Variants in FN1 observed in about 807,000 individuals in gnomAD.
The protein encoded by FN1 is fibronectin.
In FN1, 106 loss-of-function variants were observed where a neutral mutation model predicts 297.3. The ratio of observed to expected loss-of-function variants is 0.36; its 90% CI spans 0.30 to 0.42. The LOEUF (loss-of-function observed/expected upper bound fraction) is 0.42, where lower values mean the gene tolerates loss of function less well. FN1 is among the 10% of genes least tolerant of loss of function. FN1 has a pLI of 1.00. For missense variants in FN1, 2,690 were observed against 3,124.9 expected (o/e 0.86, Z 3.32); for synonymous variants, 1,149 against 1,152.6 (o/e 1.00, Z 0.06).
rs757664530 is a variant in FN1 at position 215,434,853 on chromosome 2, T to C, written c.149-29A>G. ...CAAATAATTGAAGGAAAACGTTACATTTGCATTTCTCCTTTTCCCAAAATT... is the reference window on the plus strand; with the variant it reads ...CAAATAATTGAAGGAAAACGTTACACTTGCATTTCTCCTTTTCCCAAAATT... On this transcript the variant is annotated intron_variant, in intron 1 of 45. Transcript: ENST00000354785. 2.3e-5 allele frequency: 37 copies of C among 1,594,400 alleles called. No individual in the cohort carries two copies. In the South Asian group the frequency reaches 3.9e-4, roughly 17 times the overall value.
Position 215,433,309 on chromosome 2 carries a change from C to T in FN1, c.415+15G>A, listed in dbSNP as rs746989192. The stretch of plus-strand genomic sequence containing the variant: ...TTTGATATTTTGGCATCATTTTACA[C>T]AATCTCTTCCTTACTTGCGATGGTA... On this transcript the variant is annotated intron_variant, in intron 3 of 45. Transcript: ENST00000354785. 4.3e-6 allele frequency: 7 copies of T among 1,613,990 alleles called. No homozygotes were observed. Among genetic ancestry groups the T allele is most frequent in the Non-Finnish European group, 5.9e-6 (7 of 1,179,862 alleles).
chr2:215,407,054 A>C, intron 18 of FN1, 73 bp downstream of exon 18: 1 of 1,151,470 alleles, frequency 8.7e-7, no homozygotes, highest in Non-Finnish European at 1.3e-6. Context: ...GACTGTTGAC[A>C]GAGACAAAAC....
rs750335671 is a variant in FN1, at chr2:215,433,461, G to T, written c.278C>A (p.Ala93Asp). ...RGFNCESKPEAEETCFDKYTG... is the reference protein window; with the variant it reads ...RGFNCESKPEDEETCFDKYTG... Reference sequence around the variant, plus strand: ...GTACTTGTCAAAGCAAGTCTCTTCAGCTGAGGGGAAAAGGAAAGTCCATGT... The same window carrying T: ...GTACTTGTCAAAGCAAGTCTCTTCATCTGAGGGGAAAAGGAAAGTCCATGT... The change falls in exon 3 of 46, where the codon GCT (alanine) becomes GAT (aspartate). Residue 93 changes from alanine (A) to aspartate (D), a missense_variant and splice_region_variant. This residue lies in a region of FN1 where 876 missense variants were observed against 1,058.1 expected (regional missense o/e 0.83). Coordinates refer to ENST00000354785, the MANE Select transcript of FN1 (RefSeq NM_212482.4). 2.5e-6 allele frequency: 4 copies of T among 1,613,768 alleles called. No homozygotes were observed. The South Asian group carries it at 3.3e-5, about 13-fold the overall frequency.
At chr2:215,383,001 C>CT (rs548983543) in intron 31 of FN1, among the ~76,000 whole-genome samples, 545 of 141,974 alleles carry the variant, frequency 3.8e-3, no homozygotes, top group East Asian at 4.9e-3. Flanking sequence ...GCAGATTACT[C>CT]TTTTTTTTTT....
intron 33 of FN1, chr2:215,379,726 C>G (rs2057935307): frequency 4.1e-6 from 1 of 244,186 alleles, no homozygotes; most frequent in Non-Finnish European, 8.1e-6. Flanking sequence ...AACGGTCTCT[C>G]TGTGTCATCC....
At chr2:215,434,126 C>T (rs1194737224) in intron 2 of FN1, among the ~76,000 whole-genome samples, 1 of 152,072 alleles carries the variant, frequency 6.6e-6, no homozygotes, top group African/African-American at 2.4e-5. Context: ...CAAAAACAAA[C>T]AAACAATTCG....
intron 19 of FN1, 152 bp downstream of exon 19, chr2:215,406,086 T>A (rs1054700161): frequency 3.8e-6 from 3 of 781,652 alleles, no homozygotes; most frequent in Middle Eastern, 3.6e-4. Flanking sequence ...AAGTTTAATG[T>A]GCTTTGTGTT....
At chr2:215,373,193 T>C (rs1220762256) in intron 39 of FN1, 129 bp downstream of exon 39, 11 of 728,754 alleles carry the variant, frequency 1.5e-5, no homozygotes, top group Non-Finnish European at 2.7e-5. Flanking sequence ...ATATATACAC[T>C]ATGCTGTTAG....
Position 215,421,959 on chromosome 2 carries a change from G to A in FN1, c.1546+132C>T. 3.4e-6 allele frequency: 3 copies of A among 874,728 alleles called. No individual in the cohort carries two copies. In the East Asian group the frequency reaches 7.5e-5, roughly 22 times the overall value. 54.2% of individuals were successfully genotyped at this position (874,728 alleles called of 1,614,324 possible). ...TTTCAGGCTTATCTTACCATGCACAGTAGACTAATGAATGACGTGGCATTC... is the reference window on the plus strand; with the variant it reads ...TTTCAGGCTTATCTTACCATGCACAATAGACTAATGAATGACGTGGCATTC... On this transcript the variant is annotated intron_variant, in intron 10 of 45. Coordinates refer to ENST00000354785, the MANE Select transcript of FN1 (RefSeq NM_212482.4).
chr2:215,404,005 G>T (rs575284629), intron 20 of FN1, among the ~76,000 whole-genome samples: 2 of 152,188 alleles, frequency 1.3e-5, no homozygotes, highest in South Asian at 4.2e-4. Flanking sequence ...TAATGTAATC[G>T]AATTTAATTT....
chr2:215,410,071 T>G lies in FN1; in HGVS notation c.1985A>C (p.His662Pro). Reference sequence around the variant, plus strand: ...GCCTTTGATGGTGTAGGAGTTTAAGTGGCCTGGTATGGTAGCTTCCTTCCA... The same window carrying G: ...GCCTTTGATGGTGTAGGAGTTTAAGGGGCCTGGTATGGTAGCTTCCTTCCA... ...GRWKEATIPGHLNSYTIKGLK... is the reference protein window; with the variant it reads ...GRWKEATIPGPLNSYTIKGLK... Residue 662 changes from histidine to proline, a missense_variant, in exon 14 of 46, where the codon CAC becomes CCC. Physicochemically the swap from His to Pro is moderately conservative, Grantham distance 77. This residue lies in a region of FN1 where 876 missense variants were observed against 1,058.1 expected (regional missense o/e 0.83). Transcript: ENST00000354785. 1 of 1,613,986 alleles carries G rather than the reference T, an allele frequency of 6.2e-7. No homozygotes were observed. The highest frequency in any genetic ancestry group is 8.5e-7 in the Non-Finnish European group (1 of 1,179,974).
In FN1 at chr2:215,386,960, T is replaced by TGTG. The variant is rs1337416295; in HGVS notation, c.4343-3_4343-2insCAC. The TGTG allele has an allele frequency of 6.2e-7, 1 of 1,609,994 alleles. No individual in the cohort carries two copies. On this transcript the variant is annotated splice_region_variant and splice_polypyrimidine_tract_variant and intron_variant, in intron 27 of 45. Transcript: ENST00000354785. ...CAATGCCAGTTGGGGAATCAAGACCTGTTTTTCCCACCCGGGGGAGGAAGA... is the reference window on the plus strand; with the variant it reads ...CAATGCCAGTTGGGGAATCAAGACCTGTGGTTTTTCCCACCCGGGGGAGGAAGA...
In FN1 at chr2:215,408,220, C is replaced by T. The variant is rs888656848; in HGVS notation, c.2429-23G>A. 4 of 1,611,574 alleles carry T rather than the reference C, an allele frequency of 2.5e-6. No homozygotes were observed. In the African/African-American group the frequency reaches 4.0e-5, roughly 16 times the overall value. ...GCGCTAAGAAAGAAAGAAAGTGGGG[C>T]AAACAGTCAGGAAGTGCTACTACAG... On this transcript the variant is annotated intron_variant, in intron 16 of 45. Transcript: ENST00000354785.
At chr2:215,425,045 A>T in intron 7 of FN1, 49 bp downstream of exon 7, 1 of 1,532,006 alleles carries the variant, frequency 6.5e-7, no homozygotes, top group South Asian at 1.1e-5. Context: ...TCCTTCAAAA[A>T]CTAAATAATA....
rs759797973 is a variant in FN1, at chr2:215,386,845, C to T, written c.4456G>A (p.Glu1486Lys). Residue 1486 changes from glutamate (E) to lysine (K), a missense_variant, in exon 28 of 46, where the codon GAG (glutamate) becomes AAG (lysine). By Grantham distance (56) the Glu-to-Lys change is moderately conservative. Coordinates refer to ENST00000354785, the MANE Select transcript of FN1 (RefSeq NM_212482.4). The part of the protein sequence containing the change: ...ITGYRIRHHP[E>K]HFSGRPREDR... ...TCTCGAGGTCTCCCACTGAAGTGCT[C>T]GGGATGATGGCGGATCCTGTAGCCA... is the stretch of plus-strand genomic sequence containing the variant. The T allele has an allele frequency of 6.8e-6, 11 of 1,613,788 alleles. No homozygotes were observed. The highest frequency in any genetic ancestry group is 6.7e-5 in the Admixed American group (4 of 59,958).
At chr2:215,400,606 G>C (rs1472866493) in intron 20 of FN1, among the ~76,000 whole-genome samples, 1 of 151,658 alleles carries the variant, frequency 6.6e-6, no homozygotes, top group Non-Finnish European at 1.5e-5. Flanking sequence ...ATAAAAATTA[G>C]CCAGGTGTGA....
Position 215,406,221 on chromosome 2 carries a change from G to A in FN1, c.2986+17C>T. ...GTGGAGAATTTGGAGGGGAGATAGA[G>A]ATAGGAGAAGACATACTGGTTGTCT... On this transcript the variant is annotated intron_variant, in intron 19 of 45. Coordinates refer to ENST00000354785, the MANE Select transcript of FN1 (RefSeq NM_212482.4). The A allele has an allele frequency of 6.2e-7, 1 of 1,613,242 alleles. No homozygotes were observed. The highest frequency in any genetic ancestry group is 8.5e-7 in the Non-Finnish European group (1 of 1,179,164).
At chr2:215,362,712 G>A (rs944173717) in intron 44 of FN1, 19 of 154,238 alleles carry the variant, frequency 1.2e-4, no homozygotes, top group African/African-American at 4.6e-4. Context: ...ACCAAGCTGA[G>A]CCAGTGAGGC....
chr2:215,394,755 G>T, intron 23 of FN1, 36 bp from the exon 24 acceptor site: 12 of 1,492,992 alleles, frequency 8.0e-6, no homozygotes, highest in Non-Finnish European at 1.1e-5. Context: ...ATTGCACAGA[G>T]GATCTGTGAG....
Sources: gnomAD v4.1 joint callset for allele counts (sites outside exome capture counted in the v4.1 genomes callset) on GRCh38, gnomAD v4.1.1 for gene constraint, gnomAD v4.1.1 regional missense constraint, MANE v1.5 for transcripts, NCBI Gene and HGNC (gene_info 2026-07-23, HGNC 2026-07-21) for gene names.